Variants in SPRING1 observed in about 807,000 individuals in gnomAD.
SPRING1 encodes the protein SREBP regulating gene protein.
SPRING1 carries 14 observed loss-of-function variants against 24.7 expected under a neutral mutation model. The observed-to-expected ratio is 0.57, with a 90% CI of 0.37 to 0.88. The LOEUF is 0.88. SPRING1 is among the 40% of genes least tolerant of loss of function. The pLI is 0.00. For missense variants in SPRING1, 255 were observed against 268.4 expected (o/e 0.95, Z 0.35); for synonymous variants, 93 against 106.1 (o/e 0.88, Z 0.76).
In SPRING1 at chr12:116,728,310, T is replaced by C. The variant is rs936858324; in HGVS notation, c.112-5087A>G. ...CTCCTCCTTACCCGCTAGTGGAATA[T>C]AGGCTCTTGGAGGGGAGAGACGTCA... On this transcript the variant is annotated intron_variant, in intron 1 of 4. Coordinates refer to ENST00000261318, the MANE Select transcript of SPRING1 (RefSeq NM_024738.4). The surrounding 1 kb of genome is among the most constrained non-coding windows in gnomAD (Gnocchi z 4.2). Among the ~76,000 whole-genome samples the C allele has an allele frequency of 1.1e-4, 16 of 152,208 alleles. No individual in the cohort carries two copies. The highest frequency in any genetic ancestry group is 3.9e-4 in the African/African-American group (16 of 41,464).
intron 1 of SPRING1, among the ~76,000 whole-genome samples, chr12:116,734,252 C>T (rs1307524658): frequency 2.0e-5 from 3 of 152,180 alleles, no homozygotes; most frequent in Admixed American, 6.5e-5. Context: ...CAAATACCTT[C>T]CATCGTGTTG....
chr12:116,736,998 G>T (rs1871254369), intron 1 of SPRING1, among the ~76,000 whole-genome samples: 1 of 152,198 alleles, frequency 6.6e-6, no homozygotes, highest in African/African-American at 2.4e-5. Flanking sequence ...GTAATACTGG[G>T]AACCCCACTT....
rs1269943086 is a variant in SPRING1, at chr12:116,710,416, T to C, written c.*7394A>G. 6.6e-6 allele frequency: 1 copy of C among 152,214 alleles called. No individual in the cohort carries two copies. The highest frequency in any genetic ancestry group is 1.5e-5 in the Non-Finnish European group (1 of 68,036). The allele number at this position is 152,214 out of a possible 1,614,324, so 9.4% of individuals were successfully genotyped here. A position where few individuals can be genotyped will look rare whatever the true frequency, so the allele number is the denominator to read the frequency against. On this transcript the variant is annotated 3_prime_UTR_variant, in exon 5 of 5. Coordinates refer to ENST00000261318, the MANE Select transcript of SPRING1 (RefSeq NM_024738.4). The stretch of plus-strand genomic sequence containing the variant: ...CTTTTACTGAGCTGAGCAATGCCTG[T>C]AGAAGCCCTGCTTAGTAGGAGTTCC...
intron 1 of SPRING1, among the ~76,000 whole-genome samples, chr12:116,731,138 C>T (rs1870956623): frequency 1.3e-5 from 2 of 152,150 alleles, no homozygotes; most frequent in South Asian, 2.1e-4. Flanking sequence ...CAAAATTTAG[C>T]AAAAGTAATA....
At chr12:116,718,271 G>A (rs961354699) in intron 4 of SPRING1, among the ~76,000 whole-genome samples, 1 of 152,208 alleles carries the variant, frequency 6.6e-6, no homozygotes, top group Non-Finnish European at 1.5e-5. Context: ...CTCAGTTCCC[G>A]TAAGGAACCC....
At chr12:116,721,753 G>C (rs1459707216) in intron 2 of SPRING1, among the ~76,000 whole-genome samples, 1 of 152,170 alleles carries the variant, frequency 6.6e-6, no homozygotes, top group Non-Finnish European at 1.5e-5. Flanking sequence ...TCAAAATTCT[G>C]CTCAAAATAA....
Position 116,728,805 on chromosome 12 carries a change from A to G in SPRING1, c.112-5582T>C, listed in dbSNP as rs530169552. 1.1e-4 allele frequency among the ~76,000 whole-genome samples: 16 copies of G among 152,246 alleles called. No individual in the cohort carries two copies. The highest frequency in any genetic ancestry group is 3.4e-4 in the African/African-American group (14 of 41,552). On this transcript the variant is annotated intron_variant, in intron 1 of 4. Transcript: ENST00000261318. This position sits in a 1 kb window ranked among gnomAD's most constrained non-coding sequence, Gnocchi z 4.2. The stretch of plus-strand genomic sequence containing the variant: ...CAGCTAGGGAGTGGAAGACCACCCA[A>G]ACTGAGGCCAGCTGAGCAGGGACGG...
At chr12:116,721,017 TC>T (rs1323373755) in intron 2 of SPRING1, among the ~76,000 whole-genome samples, 1 of 152,144 alleles carries the variant, frequency 6.6e-6, no homozygotes, top group Admixed American at 6.6e-5. Context: ...ACGGACTCAA[TC>T]ACCCTTTGGC....
chr12:116,734,345 G>A (rs1266192447), intron 1 of SPRING1, among the ~76,000 whole-genome samples: 2 of 152,130 alleles, frequency 1.3e-5, no homozygotes, highest in African/African-American at 4.8e-5. Flanking sequence ...ATAGCCCAGG[G>A]GTGTAGCAAA....
At chr12:116,730,808 G>A (rs1870939709) in intron 1 of SPRING1, among the ~76,000 whole-genome samples, 1 of 152,214 alleles carries the variant, frequency 6.6e-6, no homozygotes, top group African/African-American at 2.4e-5. Flanking sequence ...AAGCGTAGCA[G>A]ATACGCATTT....
At position 116,723,166 on chromosome 12, in the gene SPRING1, T is replaced by A. The variant is rs766014115; in HGVS notation, c.169A>T (p.Ile57Phe). The change falls in exon 2 of 5, where the codon ATC becomes TTC. Residue 57 changes from isoleucine to phenylalanine, a missense_variant. Transcript: ENST00000261318. ...LLQVHDHNQP[I>F]PWKVQFNLGN... ...AAGTTAAACTGCACTTTCCACGGGATGGGCTGATTATGGTCATGAACCTGG... is the reference window on the plus strand; with the variant it reads ...AAGTTAAACTGCACTTTCCACGGGAAGGGCTGATTATGGTCATGAACCTGG... The A allele has an allele frequency of 2.6e-5, 42 of 1,613,904 alleles. No individual in the cohort carries two copies. Among genetic ancestry groups the A allele is most frequent in the Non-Finnish European group, 3.2e-5 (38 of 1,180,048 alleles).
rs1188632374 is a variant in SPRING1, at chr12:116,720,420, A to G, written c.296T>C (p.Leu99Pro). The stretch of plus-strand genomic sequence containing the variant: ...GTTGACATTACAGCAGCCATTTACC[A>G]GCAAATCCTTCCTCTCGCAAACGTA... ...LGYVCERKDL[L>P]VNGCCNVNVP... The change falls in exon 3 of 5, where the codon CTG (leucine) becomes CCG (proline). Residue 99 changes from leucine (L) to proline (P), a missense_variant. Leu to Pro is a moderately conservative substitution (Grantham distance 98, BLOSUM62 -3). Coordinates refer to ENST00000261318, the MANE Select transcript of SPRING1 (RefSeq NM_024738.4). The surrounding 1 kb of genome is among the most constrained non-coding windows in gnomAD (Gnocchi z 4.0). 1.2e-6 allele frequency: 2 copies of G among 1,614,056 alleles called. No individual in the cohort carries two copies. The highest frequency in any genetic ancestry group is 1.7e-6 in the Non-Finnish European group (2 of 1,180,018).
chr12:116,734,026 G>A (rs1871116826), intron 1 of SPRING1, among the ~76,000 whole-genome samples: 1 of 152,184 alleles, frequency 6.6e-6, no homozygotes, highest in East Asian at 1.9e-4. Context: ...ACAGGCGTGT[G>A]CCACCACACC....
In SPRING1 at chr12:116,710,443, A is replaced by C. The variant is rs1279427141; in HGVS notation, c.*7367T>G. On this transcript the variant is annotated 3_prime_UTR_variant, in exon 5 of 5. Coordinates refer to ENST00000261318, the MANE Select transcript of SPRING1 (RefSeq NM_024738.4). The stretch of plus-strand genomic sequence containing the variant: ...GAAGCCCTGCTTAGTAGGAGTTCCA[A>C]GATGCTCTGTGTATCTCAGGTGAAG... The C allele has an allele frequency of 6.6e-6, 1 of 152,248 alleles. No homozygotes were observed. Among genetic ancestry groups the C allele is most frequent in the Non-Finnish European group, 1.5e-5 (1 of 68,054 alleles). 9.4% of individuals were successfully genotyped at this position (152,248 alleles called of 1,614,324 possible). A position where few individuals can be genotyped will look rare whatever the true frequency, so the allele number is the denominator to read the frequency against.
At chr12:116,735,826 G>A (rs990002988) in intron 1 of SPRING1, among the ~76,000 whole-genome samples, 5 of 151,866 alleles carry the variant, frequency 3.3e-5, no homozygotes, top group African/African-American at 1.2e-4. Flanking sequence ...GATCACCTGA[G>A]GTCGGGAGTT....
At position 116,719,882 on chromosome 12, in the gene SPRING1, G is replaced by A. The variant is rs2137031902; in HGVS notation, c.421-6C>T. The A allele has an allele frequency of 6.2e-7, 1 of 1,612,694 alleles. No individual in the cohort carries two copies. Among genetic ancestry groups the A allele is most frequent in the East Asian group, 2.2e-5 (1 of 44,850 alleles). Reference sequence around the variant, plus strand: ...AAGCGCTCCAGGAGAAGTTGCTATGGAAACAAAAGTTAGTGCCTGTAATAA... The same window carrying A: ...AAGCGCTCCAGGAGAAGTTGCTATGAAAACAAAAGTTAGTGCCTGTAATAA... On this transcript the variant is annotated splice_region_variant and splice_polypyrimidine_tract_variant and intron_variant, in intron 3 of 4. Transcript: ENST00000261318.
intron 1 of SPRING1, among the ~76,000 whole-genome samples, chr12:116,729,635 C>T (rs983414947): frequency 2.0e-5 from 3 of 152,142 alleles, no homozygotes; most frequent in Non-Finnish European, 2.9e-5. Context: ...GAATATTATT[C>T]GGACATAAAA....
At chr12:116,729,621 G>A (rs1343183478) in intron 1 of SPRING1, among the ~76,000 whole-genome samples, 1 of 152,194 alleles carries the variant, frequency 6.6e-6, no homozygotes, top group African/African-American at 2.4e-5. Context: ...AGATGCACAC[G>A]ATGGAATATT....
intron 1 of SPRING1, 66 bp downstream of exon 1, chr12:116,737,724 A>G (rs1871337884): frequency 8.0e-6 from 11 of 1,376,320 alleles, no homozygotes; most frequent in Non-Finnish European, 1.9e-6. Context: ...AAGGAAGGAG[A>G]AAGTAAAGTA....
Sources: gnomAD v4.1 joint callset for allele counts (sites outside exome capture counted in the v4.1 genomes callset) on GRCh38, gnomAD v4.1.1 for gene constraint, Gnocchi (gnomAD v3.1) non-coding constraint, MANE v1.5 for transcripts, NCBI Gene and HGNC (gene_info 2026-07-23, HGNC 2026-07-21) for gene names.